The following FBXW5 variants were observed in gnomAD, a reference collection of about 807,000 sequenced individuals.
FBXW5 encodes F-box/WD repeat-containing protein 5.
FBXW5 carries 74 observed loss-of-function variants against 50.9 expected under a neutral mutation model. The ratio of observed to expected loss-of-function variants is 1.45; its 90% confidence interval spans 1.20 to 1.76. The LOEUF (loss-of-function observed/expected upper bound fraction) is 1.76, where lower values mean the gene tolerates loss of function less well. FBXW5 is among the 40% of genes most tolerant of loss of function. The pLI is 0.00. For missense variants in FBXW5, 1,073 were observed against 818.8 expected, an observed-to-expected ratio of 1.31 and a Z score of -3.79; for synonymous variants, 523 against 362.2, an observed-to-expected ratio of 1.44 and a Z score of -5.04.
Position 136,943,462 on chromosome 9 carries a change from C to G in FBXW5, c.238G>C (p.Val80Leu), listed in dbSNP as rs1850885741. 17 of 1,612,500 alleles carry G rather than the reference C, an allele frequency of 1.1e-5. No homozygotes were observed. Among genetic ancestry groups the G allele is most frequent in the Non-Finnish European group, 1.4e-5 (17 of 1,179,788 alleles). Residue 80 changes from valine (V) to leucine (L), a missense_variant, in exon 3 of 9, where the codon GTG becomes CTG. Physicochemically the swap from Val to Leu is conservative, Grantham distance 32. Transcript: ENST00000325285. The stretch of plus-strand genomic sequence containing the variant: ...AGCGTCTGCACCTCCACGCAGGGCA[C>G]CGTGTCATACAGCCGCTGGAACTCC... ...YEEFQRLYDT[V>L]PCVEVQTLRE...
chr9:136,943,837 G>A lies in FBXW5; in HGVS notation c.193+54C>T. ...CCAGCCAGGCTGACCCCCAAGCGCA[G>A]GGGCCCGGGGCCCTGGCTGCAGAAC... is the stretch of plus-strand genomic sequence containing the variant. On this transcript the variant is annotated intron_variant, in intron 2 of 8. Transcript: ENST00000325285. The A allele has an allele frequency of 2.6e-6, 4 of 1,528,372 alleles. No homozygotes were observed. In the Admixed American group the frequency reaches 6.1e-5, roughly 23 times the overall value. 94.7% of individuals were successfully genotyped at this position (1,528,372 alleles called of 1,614,324 possible).
rs1274258024 is a variant in FBXW5, at chr9:136,942,043, TA to T, written c.1096+2del. The T allele has an allele frequency of 8.7e-6, 14 of 1,601,672 alleles. No homozygotes were observed. Among genetic ancestry groups the T allele is most frequent in the African/African-American group, 1.3e-5 (1 of 74,710 alleles). The stretch of plus-strand genomic sequence containing the variant: ...GGCGGGCAGCATGGCGGCAGGGGTG[TA>T]CCGATCTGGTGTGGGGAGTAGGTGA... On this transcript the variant is annotated splice_donor_variant, in intron 6 of 8. Transcript: ENST00000325285. LOFTEE classifies it high-confidence loss of function.
chr9:136,940,907 C>T lies in FBXW5; in HGVS notation c.*21G>A. 1 of 1,572,492 alleles carries T rather than the reference C, an allele frequency of 6.4e-7. No individual in the cohort carries two copies. Among genetic ancestry groups the T allele is most frequent in the Non-Finnish European group, 8.6e-7 (1 of 1,161,784 alleles). On this transcript the variant is annotated 3_prime_UTR_variant, in exon 9 of 9. Transcript: ENST00000325285. Reference sequence around the variant, plus strand: ...CGATGTCCTCAAGGGGTCCCGGTGGCTCCAGTGCACCCAGCACACCTCAGC... The same window carrying T: ...CGATGTCCTCAAGGGGTCCCGGTGGTTCCAGTGCACCCAGCACACCTCAGC...
At chr9:136,942,975 T>C (rs1348385004) in intron 3 of FBXW5, 32 bp from the exon 4 acceptor site, 2 of 1,610,038 alleles carry the variant, frequency 1.2e-6, no homozygotes, top group Non-Finnish European at 8.5e-7. Flanking sequence ...AGTGATCGCC[T>C]GGCCAGGTCG....
chr9:136,943,572 G>T, intron 2 of FBXW5, 66 bp from the exon 3 acceptor site: 2 of 1,541,746 alleles, frequency 1.3e-6, no homozygotes. Flanking sequence ...TGAGCCGAGT[G>T]TGGCCCCAGC....
rs2131359594 is a variant in FBXW5 at position 136,943,373 on chromosome 9, G to C, written c.327C>G (p.Ser109=). ...CCTTCACAGTGCAGTCCTTGGAGCA[G>C]GACGCGAACTGGTACCCGGAATGGG... ...SFSHSGYQFA[S]CSKDCTVKIW... is the part of the protein sequence containing the mutation. The change falls in exon 3 of 9, where the codon TCC becomes TCG. Residue 109 remains serine, a synonymous_variant. Transcript: ENST00000325285. The C allele has an allele frequency of 4.3e-6, 7 of 1,612,886 alleles. No homozygotes were observed. The highest frequency in any genetic ancestry group is 1.1e-5 in the South Asian group (1 of 91,092).
chr9:136,941,013 C>T lies in FBXW5; in HGVS notation c.1616G>A (p.Arg539His), dbSNP rs140846203. The T allele has an allele frequency of 3.0e-5, 47 of 1,553,674 alleles. No homozygotes were observed. The highest frequency in any genetic ancestry group is 2.9e-4 in the East Asian group (12 of 41,170). The change falls in exon 9 of 9, where the codon CGC becomes CAC. Residue 539 changes from arginine to histidine, a missense_variant. Coordinates refer to ENST00000325285, the MANE Select transcript of FBXW5 (RefSeq NM_018998.4). ...GAGGACGCGCATGGTGCGTGGGGAG[C>T]GCCAGGCTTTGATGGTGGCGTCGTC... ...ASDDATIKAW[R>H]SPRTMRVLQA...
chr9:136,942,716 G>C (rs1234000619), intron 4 of FBXW5, 21 bp from the exon 5 acceptor site: 2 of 1,610,104 alleles, frequency 1.2e-6, no homozygotes, highest in East Asian at 2.2e-5. Context: ...GCCGGGGCTG[G>C]ACAGGCTGTC....
chr9:136,941,090 G>C lies in FBXW5; in HGVS notation c.1539C>G (p.Val513=), dbSNP rs1429828299. 8.9e-6 allele frequency: 14 copies of C among 1,573,742 alleles called. No individual in the cohort carries two copies. In the East Asian group the frequency reaches 3.3e-4, roughly 37 times the overall value. The change falls in exon 9 of 9, where the codon GTC becomes GTG. Residue 513 remains valine, a synonymous_variant. Transcript: ENST00000325285. ...CLARLRHEDV[V]NSVVFSPQEQ... The stretch of plus-strand genomic sequence containing the variant: ...CCTGGGGACTGAAGACCACTGAGTT[G>C]ACCACATCCTCGTGCCGCAGCCTGG...
Position 136,941,648 on chromosome 9 carries a change from G to A in FBXW5, c.1133C>T (p.Ala378Val), listed in dbSNP as rs1052210759. Residue 378 changes from alanine (A) to valine (V), a missense_variant, in exon 7 of 9, where the codon GCA becomes GTA. Coordinates refer to ENST00000325285, the MANE Select transcript of FBXW5 (RefSeq NM_018998.4). The stretch of plus-strand genomic sequence containing the variant: ...CCGGCCCTCACCCAGCACGGGCCCT[G>A]CCGTGGTCATCTGGTGTGGCAGGAT... The part of the protein sequence containing the change: ...KQILPHQMTT[A>V]GPVLGEGRGS... 1 of 1,569,962 alleles carries A rather than the reference G, an allele frequency of 6.4e-7. No individual in the cohort carries two copies. Among genetic ancestry groups the A allele is most frequent in the Admixed American group, 1.9e-5 (1 of 53,822 alleles).
intron 6 of FBXW5, 25 bp downstream of exon 6, chr9:136,942,021 G>C (rs773039891): frequency 6.3e-7 from 1 of 1,582,920 alleles, no homozygotes; most frequent in Non-Finnish European, 8.6e-7. Context: ...GGACCGAGGC[G>C]GGCAGCATGG....
chr9:136,942,202 C>G lies in FBXW5; in HGVS notation c.940G>C (p.Ala314Pro), dbSNP rs749150349. Reference sequence around the variant, plus strand: ...ATGCGCTCCGACAGCTGTGGCTGCGCCCGCCCCTCCAGCACGCGGTCCAGA... The same window carrying G: ...ATGCGCTCCGACAGCTGTGGCTGCGGCCGCCCCTCCAGCACGCGGTCCAGA... ...HFLDRVLEGR[A>P]QPQLSERMLE... Residue 314 changes from alanine (A) to proline (P), a missense_variant, in exon 6 of 9, where the codon GCG becomes CCG. By Grantham distance (27) the Ala-to-Pro change is conservative. Coordinates refer to ENST00000325285, the MANE Select transcript of FBXW5 (RefSeq NM_018998.4). The G allele has an allele frequency of 4.4e-6, 7 of 1,590,330 alleles. No homozygotes were observed. In the South Asian group the frequency reaches 7.9e-5, roughly 18 times the overall value.
chr9:136,942,186 G>C lies in FBXW5; in HGVS notation c.956C>G (p.Ser319Trp). 1 of 1,588,544 alleles carries C rather than the reference G, an allele frequency of 6.3e-7. No homozygotes were observed. The highest frequency in any genetic ancestry group is 8.6e-7 in the Non-Finnish European group (1 of 1,169,028). ...CACCTTGGTCTCTAGCATGCGCTCCGACAGCTGTGGCTGCGCCCGCCCCTC... is the reference window on the plus strand; with the variant it reads ...CACCTTGGTCTCTAGCATGCGCTCCCACAGCTGTGGCTGCGCCCGCCCCTC... ...VLEGRAQPQLSERMLETKVAE... is the reference protein window; with the variant it reads ...VLEGRAQPQLWERMLETKVAE... Residue 319 changes from serine (S) to tryptophan (W), a missense_variant, in exon 6 of 9, where the codon TCG (serine) becomes TGG (tryptophan). By Grantham distance (177) the Ser-to-Trp change is radical. Transcript: ENST00000325285.
At position 136,941,741 on chromosome 9, in the gene FBXW5, G is replaced by C. The variant is rs1311917896; in HGVS notation, c.1097-57C>G. The C allele has an allele frequency of 2.1e-6, 3 of 1,455,630 alleles. No individual in the cohort carries two copies. The South Asian group carries it at 3.7e-5, about 18-fold the overall frequency. 90.2% of individuals were successfully genotyped at this position (1,455,630 alleles called of 1,614,324 possible). A position where few individuals can be genotyped will look rare whatever the true frequency, so the allele number is the denominator to read the frequency against. On this transcript the variant is annotated intron_variant, in intron 6 of 8. Coordinates refer to ENST00000325285, the MANE Select transcript of FBXW5 (RefSeq NM_018998.4). ...CCAATGCCCCAAGGACATCACTCCA[G>C]GGCAGCTTCCTACCTCAGTGGTGTC...
chr9:136,940,870 C>T lies in FBXW5; in HGVS notation c.*58G>A, dbSNP rs1045879169. 9 of 1,535,312 alleles carry T rather than the reference C, an allele frequency of 5.9e-6. No individual in the cohort carries two copies. Among genetic ancestry groups the T allele is most frequent in the Admixed American group, 3.8e-5 (2 of 52,696 alleles). On this transcript the variant is annotated 3_prime_UTR_variant, in exon 9 of 9. Coordinates refer to ENST00000325285, the MANE Select transcript of FBXW5 (RefSeq NM_018998.4). ...CCACCTCTCCCGCTCGGGAAAAAGCCACAGAGCCTGGCGATGTCCTCAAGG... is the reference window on the plus strand; with the variant it reads ...CCACCTCTCCCGCTCGGGAAAAAGCTACAGAGCCTGGCGATGTCCTCAAGG...
rs556186222 is a variant in FBXW5, at chr9:136,943,639, G to A, written c.194-133C>T. ...CCCACTAGTCATGGCATAGGCCTCGGCTGGGGGATTCAACCCTGTAGCTCA... is the reference window on the plus strand; with the variant it reads ...CCCACTAGTCATGGCATAGGCCTCGACTGGGGGATTCAACCCTGTAGCTCA... On this transcript the variant is annotated intron_variant, in intron 2 of 8. Transcript: ENST00000325285. The A allele has an allele frequency of 8.5e-5, 109 of 1,281,106 alleles. 1 individual carries two copies. The highest frequency in any genetic ancestry group is 1.1e-4 in the Non-Finnish European group (100 of 941,724). The allele number at this position is 1,281,106 out of a possible 1,614,324, so 79.4% of individuals were successfully genotyped here. A position where few individuals can be genotyped will look rare whatever the true frequency, so the allele number is the denominator to read the frequency against.
chr9:136,943,574 G>A, intron 2 of FBXW5, 68 bp from the exon 3 acceptor site: 4 of 1,535,634 alleles, frequency 2.6e-6, no homozygotes, highest in Non-Finnish European at 3.5e-6. Context: ...AGCCGAGTGT[G>A]GCCCCAGCAG....
At chr9:136,943,003 A>G (rs763057345) in intron 3 of FBXW5, 60 bp from the exon 4 acceptor site, 2 of 1,605,906 alleles carry the variant, frequency 1.2e-6, no homozygotes, top group Admixed American at 1.7e-5. Flanking sequence ...GGGGCCTGCT[A>G]CTACACAGCC....
At chr9:136,941,844 T>C (rs1850783756) in intron 6 of FBXW5, 160 bp from the exon 7 acceptor site, 8 of 1,436,560 alleles carry the variant, frequency 5.6e-6, no homozygotes, top group African/African-American at 4.3e-5. Flanking sequence ...GGCCCGTCGG[T>C]TGCTTGCTGG....
Sources: gnomAD v4.1 joint callset for allele counts on GRCh38, gnomAD v4.1.1 for gene constraint, MANE v1.5 for transcripts, NCBI Gene and HGNC (gene_info 2026-07-23, HGNC 2026-07-21) for gene names.